SHTN1: variants seen among roughly 807,000 people sequenced by gnomAD.
SHTN1 encodes shootin-1.
A neutral mutation model predicts 83.1 loss-of-function variants in SHTN1; 42 were observed. That is an observed-to-expected ratio of 0.51 (90% confidence interval 0.39 to 0.65). The LOEUF is 0.65. Ranked by LOEUF, SHTN1 falls within the 30% of genes least tolerant of loss-of-function variation. SHTN1 has a pLI of 0.00. For synonymous variants in SHTN1, 224 were observed against 247.7 expected (o/e 0.90, Z 0.90); for missense variants, 622 against 737.8 (o/e 0.84, Z 1.82).
At chr10:116,995,402 G>A (rs867111090) in intron 1 of SHTN1, among the ~76,000 whole-genome samples, 3 of 152,150 alleles carry the variant, frequency 2.0e-5, no homozygotes, top group Middle Eastern at 3.4e-3. Flanking sequence ...ACATGATGAG[G>A]GACTGTGATT....
chr10:117,100,479 C>T (rs561786172), intron 1 of SHTN1, among the ~76,000 whole-genome samples: 1 of 152,278 alleles, frequency 6.6e-6, no homozygotes, highest in South Asian at 2.1e-4. Flanking sequence ...CCATTCCTTT[C>T]TTTTCCTGAC....
At position 117,062,963 on chromosome 10, in the gene SHTN1, A is replaced by AT. The variant is rs546477854; in HGVS notation, c.-188-14454dup. Among the ~76,000 whole-genome samples, 379 of 152,358 alleles carry AT rather than the reference A, an allele frequency of 2.5e-3. 1 individual carries two copies. The highest frequency in any genetic ancestry group is 6.8e-3 in the Middle Eastern group (2 of 294). On this transcript the variant is annotated intron_variant, in intron 1 of 17. Transcript: ENST00000392901. The stretch of plus-strand genomic sequence containing the variant: ...TCAGACGGTACCTACAGGAAAGAGA[A>AT]TGTAAGATCAGCAGGCTTTAAGTTG...
In SHTN1 at chr10:117,045,563, CA is replaced by C. The variant is rs1294700994; in HGVS notation, c.-123+2881del. ...GAAAGCCCATATACAACAGTTGAAA[CA>C]AAAACAAGGACACTAGAAGAAATGT... On this transcript the variant is annotated intron_variant, in intron 2 of 17. Transcript: ENST00000392901. Among the ~76,000 whole-genome samples the C allele has an allele frequency of 3.9e-5, 6 of 152,272 alleles. No individual in the cohort carries two copies. The South Asian group carries it at 1.0e-3, about 26-fold the overall frequency.
intron 1 of SHTN1, among the ~76,000 whole-genome samples, chr10:117,098,787 C>T (rs1843515121): frequency 6.6e-6 from 1 of 152,082 alleles, no homozygotes; most frequent in Non-Finnish European, 1.5e-5. Flanking sequence ...GAGTTTCCCC[C>T]AAACGCTTCC....
At position 117,005,084 on chromosome 10, in the gene SHTN1, G is replaced by A. The variant is rs925574951; in HGVS notation, c.-5C>T. On this transcript the variant is annotated 5_prime_UTR_variant, in exon 1 of 17. Transcript: ENST00000355371. ...CTCTTCGTCCGAGCTGTTCATTTTG[G>A]CGGGTGGGGCCGGGAATAAAAGGGA... 5.6e-6 allele frequency: 9 copies of A among 1,592,980 alleles called. No homozygotes were observed. The highest frequency in any genetic ancestry group is 6.8e-6 in the Non-Finnish European group (8 of 1,169,914).
At chr10:116,921,325 C>T in intron 12 of SHTN1, 109 bp downstream of exon 12, 1 of 726,578 alleles carries the variant, frequency 1.4e-6, no homozygotes, top group Non-Finnish European at 2.3e-6. Flanking sequence ...TTCAGTGCTT[C>T]ATACTACTCT....
At chr10:117,002,226 A>G (rs537753792) in intron 1 of SHTN1, among the ~76,000 whole-genome samples, 1 of 152,334 alleles carries the variant, frequency 6.6e-6, no homozygotes, top group South Asian at 2.1e-4. Context: ...CTAGAATAAA[A>G]AAGTAATTGT....
At chr10:116,899,532 TGTGTGTGTGTGTGTGAGA>T (rs1379287496) in intron 16 of SHTN1, among the ~76,000 whole-genome samples, 32 of 87,690 alleles carry the variant, frequency 3.6e-4, no homozygotes, top group East Asian at 2.4e-3. Flanking sequence ...TGTGTGTGTG[TGTGTGTGTGTGTGTGAGA>T]GAGTGCATGC....
intron 2 of SHTN1, among the ~76,000 whole-genome samples, chr10:117,023,058 A>G (rs1852285722): frequency 6.6e-6 from 1 of 152,246 alleles, no homozygotes; most frequent in Non-Finnish European, 1.5e-5. Context: ...TAAGAATTTA[A>G]TATGACAACA....
chr10:116,948,959 T>C lies in SHTN1; in HGVS notation c.573A>G (p.Ser191=), dbSNP rs1849680966. ...KVKQEKTVLN[S]EVLEQRKVLE... is the part of the protein sequence containing the mutation. ...AGACTTTTCTCTGTTCAAGAACTTC[T>C]GAATTTAAAACAGTCTTTTCTTGTT... The change falls in exon 7 of 17, where the codon TCA becomes TCG. Residue 191 remains serine, a synonymous_variant. Coordinates refer to ENST00000355371, the MANE Select transcript of SHTN1 (RefSeq NM_001127211.3). The C allele has an allele frequency of 4.4e-6, 7 of 1,575,570 alleles. No homozygotes were observed. Among genetic ancestry groups the C allele is most frequent in the Non-Finnish European group, 5.2e-6 (6 of 1,161,506 alleles).
At chr10:116,953,941 T>C (rs1382197637) in intron 5 of SHTN1, 101 bp downstream of exon 5, 3 of 1,038,996 alleles carry the variant, frequency 2.9e-6, no homozygotes, top group Non-Finnish European at 2.7e-6. Context: ...GGCATCAGTA[T>C]TTTGAAAGCT....
chr10:117,035,094 G>T (rs1290105332), intron 2 of SHTN1, among the ~76,000 whole-genome samples: 1 of 152,198 alleles, frequency 6.6e-6, no homozygotes, highest in East Asian at 1.9e-4. Context: ...TGGGGCTATA[G>T]TAACCAAAAC....
intron 1 of SHTN1, 114 bp downstream of exon 1, chr10:117,004,908 A>G: frequency 2.2e-6 from 2 of 896,908 alleles, no homozygotes; most frequent in Admixed American, 6.2e-5. Flanking sequence ...TGCGGTGACC[A>G]CGGCGGCCGC....
rs144348605 is a variant in SHTN1 at position 117,117,172 on chromosome 10, A to G, written c.-189+9135T>C. On this transcript the variant is annotated intron_variant, in intron 1 of 17. Transcript: ENST00000392901. ...ACTTAGACAAACTAAAGACTCCACC[A>G]AAAGAACTGCTAAGACTGATATACA... 3.9e-3 allele frequency among the ~76,000 whole-genome samples: 596 copies of G among 152,278 alleles called. 5 individuals are homozygous for G. The highest frequency in any genetic ancestry group is 0.014 in the African/African-American group (562 of 41,576).
At position 116,933,053 on chromosome 10, in the gene SHTN1, A is replaced by C. The variant is rs565843622; in HGVS notation, c.859-3051T>G. 1.9e-4 allele frequency among the ~76,000 whole-genome samples: 29 copies of C among 152,320 alleles called. 1 individual carries two copies. In the South Asian group the frequency reaches 4.6e-3, roughly 24 times the overall value. On this transcript the variant is annotated intron_variant, in intron 9 of 16. Transcript: ENST00000355371. ...ACATATGGGGACAAAAGAAAGAATG[A>C]AATTCTTTCCCTCCCACCCTATTCT...
At chr10:117,102,498 C>T (rs2133630595) in intron 1 of SHTN1, among the ~76,000 whole-genome samples, 1 of 152,224 alleles carries the variant, frequency 6.6e-6, no homozygotes, top group South Asian at 2.1e-4. Context: ...AAAATCCAAA[C>T]CACGACATGC....
intron 1 of SHTN1, among the ~76,000 whole-genome samples, chr10:117,110,538 T>G (rs1426600624): frequency 6.6e-6 from 1 of 151,674 alleles, no homozygotes; most frequent in Non-Finnish European, 1.5e-5. Context: ...TTTTTTGTAT[T>G]TTAGTAGAGA....
At chr10:116,998,154 T>C (rs1343984182) in intron 1 of SHTN1, among the ~76,000 whole-genome samples, 1 of 152,220 alleles carries the variant, frequency 6.6e-6, no homozygotes, top group African/African-American at 2.4e-5. Context: ...CATAAATTAT[T>C]TGGAATTGCT....
chr10:117,011,794 G>A (rs184380771), intron 2 of SHTN1, among the ~76,000 whole-genome samples: 1 of 151,988 alleles, frequency 6.6e-6, no homozygotes, highest in Non-Finnish European at 1.5e-5. Flanking sequence ...AAATGCTGAT[G>A]AAAAAAATCA....
Sources: gnomAD v4.1 joint callset for allele counts (sites outside exome capture counted in the v4.1 genomes callset) on GRCh38, gnomAD v4.1.1 for gene constraint, MANE v1.5 for transcripts, NCBI Gene and HGNC (gene_info 2026-07-23, HGNC 2026-07-21) for gene names.